Variants in PCDHA5 observed in about 807,000 individuals in gnomAD.
The protein encoded by PCDHA5 is protocadherin alpha-5.
PCDHA5 carries 43 observed loss-of-function variants against 61.6 expected under a neutral mutation model. That is an observed-to-expected ratio of 0.70 (90% CI 0.55 to 0.90). The LOEUF is 0.90. PCDHA5 is among the 40% of genes least tolerant of loss of function. The pLI is 0.00. For missense variants in PCDHA5, 1,298 were observed against 1,222.7 expected, an observed-to-expected ratio of 1.06 and a Z score of -0.92; for synonymous variants, 627 against 543.9, an observed-to-expected ratio of 1.15 and a Z score of -2.13.
At chr5:141,005,153 C>G (rs1408163088) in intron 3 of PCDHA5, among the ~76,000 whole-genome samples, 1 of 152,194 alleles carries the variant, frequency 6.6e-6, no homozygotes, top group East Asian at 1.9e-4. Flanking sequence ...GTTTGGTCTG[C>G]TAAAGAGTGG....
intron 1 of PCDHA5, chr5:140,882,203 T>C: frequency 6.5e-7 from 1 of 1,530,090 alleles, no homozygotes; most frequent in East Asian, 2.3e-5. Context: ...AATTGGGCCT[T>C]GAGAGACAGT....
chr5:140,938,928 T>G (rs1220764640), intron 1 of PCDHA5, among the ~76,000 whole-genome samples: 2 of 152,104 alleles, frequency 1.3e-5, no homozygotes, highest in African/African-American at 4.8e-5. Flanking sequence ...AAATTGGCTT[T>G]TAACTTTCCA....
Position 140,842,122 on chromosome 5 carries a change from T to A in PCDHA5, c.2352+17995T>A, listed in dbSNP as rs2150329697. On this transcript the variant is annotated intron_variant, in intron 1 of 3. Transcript: ENST00000529859. Reference sequence around the variant, plus strand: ...CAACAGTTATCAAACTGAATGCTTCTGATCCGGATGAAGGAGCCAATGGGG... The same window carrying A: ...CAACAGTTATCAAACTGAATGCTTCAGATCCGGATGAAGGAGCCAATGGGG... 9 of 1,613,784 alleles carry A rather than the reference T, an allele frequency of 5.6e-6. No individual in the cohort carries two copies. In the South Asian group the frequency reaches 8.8e-5, roughly 16 times the overall value.
intron 1 of PCDHA5, chr5:140,835,445 C>T (rs2150235847): frequency 6.2e-7 from 1 of 1,613,864 alleles, no homozygotes; most frequent in South Asian, 1.1e-5. Flanking sequence ...CTCTCACTTC[C>T]CTGTCTCTCC....
At chr5:140,870,369 G>A (rs375892305) in intron 1 of PCDHA5, 117 of 1,614,088 alleles carry the variant, frequency 7.2e-5, no homozygotes, top group Admixed American at 2.3e-4. Context: ...CCTATGAACT[G>A]GTGGTGACTG....
chr5:140,983,483 C>T (rs2097053951), intron 3 of PCDHA5, among the ~76,000 whole-genome samples: 1 of 152,220 alleles, frequency 6.6e-6, no homozygotes, highest in African/African-American at 2.4e-5. Flanking sequence ...ATAGTAGTTA[C>T]TAATTATTAA....
intron 1 of PCDHA5, chr5:140,857,533 G>T: frequency 6.3e-7 from 1 of 1,597,578 alleles, no homozygotes. Flanking sequence ...CTCTGGTGGA[G>T]CGGCGGTTGG....
At chr5:140,955,043 T>C (rs1285355120) in intron 1 of PCDHA5, among the ~76,000 whole-genome samples, 1 of 152,176 alleles carries the variant, frequency 6.6e-6, no homozygotes, top group Non-Finnish European at 1.5e-5. Context: ...CTTTTCCTCA[T>C]TGCTTGTTTT....
intron 3 of PCDHA5, among the ~76,000 whole-genome samples, chr5:140,990,850 T>C (rs528860965): frequency 3.3e-5 from 5 of 152,312 alleles, no homozygotes; most frequent in African/African-American, 1.2e-4. Context: ...AATAGAGCCC[T>C]GAGGACATTG....
intron 1 of PCDHA5, chr5:140,869,064 A>G (rs782442864): frequency 1.9e-6 from 3 of 1,559,452 alleles, no homozygotes; most frequent in East Asian, 4.5e-5. Flanking sequence ...TGGTACTGTA[A>G]GTGTAAAGAA....
intron 1 of PCDHA5, chr5:140,882,064 C>G (rs1277765660): frequency 1.1e-5 from 9 of 831,034 alleles, no homozygotes; most frequent in Non-Finnish European, 1.6e-5. Context: ...CTTACACGTT[C>G]ATGCGCATGG....
intron 1 of PCDHA5, chr5:140,869,103 G>T: frequency 6.2e-7 from 1 of 1,600,312 alleles, no homozygotes; most frequent in Non-Finnish European, 8.5e-7. Context: ...TTTCGTATGC[G>T]ATGTTTGGTT....
At chr5:140,832,312 C>G (rs2150200797) in intron 1 of PCDHA5, among the ~76,000 whole-genome samples, 49 of 152,244 alleles carry the variant, frequency 3.2e-4, no homozygotes, top group African/African-American at 1.1e-3. Flanking sequence ...TTAAAAGTTG[C>G]TTAAGGGCCA....
At chr5:140,825,851 A>T (rs1399797049) in intron 1 of PCDHA5, 3 of 151,876 alleles carry the variant, frequency 2.0e-5, no homozygotes, top group African/African-American at 7.3e-5. Context: ...CATGATACAA[A>T]CTCCCCTCTT....
intron 1 of PCDHA5, among the ~76,000 whole-genome samples, chr5:140,826,640 G>A (rs1234155736): frequency 5.3e-5 from 8 of 152,114 alleles, no homozygotes; most frequent in African/African-American, 1.4e-4. Flanking sequence ...ACTTTTATAT[G>A]AAGGTAACAT....
intron 1 of PCDHA5, chr5:140,876,996 G>T (rs1554169201): frequency 1.2e-6 from 2 of 1,612,618 alleles, no homozygotes; most frequent in East Asian, 2.2e-5. Context: ...CGAGCTACGT[G>T]TCGGTGCACG....
chr5:140,998,805 C>T (rs1226450562), intron 3 of PCDHA5, among the ~76,000 whole-genome samples: 1 of 152,204 alleles, frequency 6.6e-6, no homozygotes, highest in Admixed American at 6.5e-5. Flanking sequence ...CTCAGGTGAT[C>T]TGCCTGCCTT....
chr5:140,902,637 C>T (rs1554190530), intron 1 of PCDHA5, among the ~76,000 whole-genome samples: 1 of 151,910 alleles, frequency 6.6e-6, no homozygotes, highest in Non-Finnish European at 1.5e-5. Context: ...GTGGTGATTT[C>T]TGAGATTTTG....
At chr5:140,850,300 G>T in intron 1 of PCDHA5, 2 of 1,596,680 alleles carry the variant, frequency 1.3e-6, no homozygotes, top group Non-Finnish European at 1.7e-6. Context: ...GCCGACTCGG[G>T]CTACAACGCG....
Sources: allele counts gnomAD v4.1 joint callset (sites outside exome capture counted in the v4.1 genomes callset), GRCh38; gene constraint gnomAD v4.1.1; transcripts MANE v1.5; gene names NCBI Gene and HGNC (gene_info 2026-07-23, HGNC 2026-07-21).